MBP: variants seen among roughly 807,000 people sequenced by gnomAD.
MBP encodes myelin basic protein, also known as Golli-MBP.
A neutral mutation model predicts 35.8 loss-of-function variants in MBP; 16 were observed. That is an observed-to-expected ratio of 0.45 (90% CI 0.30 to 0.68). The LOEUF (loss-of-function observed/expected upper bound fraction) is 0.68, where lower values mean the gene tolerates loss of function less well. Among genes scored for constraint, MBP ranks in the 30% least tolerant of loss-of-function variants. MBP has a pLI of 0.08. For synonymous variants in MBP, 143 were observed against 159.6 expected (o/e 0.90, Z 0.78); for missense variants, 380 against 404.7 (o/e 0.94, Z 0.52).
intron 3 of MBP, among the ~76,000 whole-genome samples, chr18:77,062,957 G>A (rs183911009): frequency 4.0e-4 from 61 of 152,320 alleles, no homozygotes; most frequent in Admixed American, 2.1e-3. Flanking sequence ...TCTGATGCGT[G>A]GATGAAACGG....
intron 4 of MBP, among the ~76,000 whole-genome samples, chr18:77,000,431 G>A (rs962050047): frequency 3.9e-5 from 6 of 152,194 alleles, no homozygotes; most frequent in African/African-American, 1.4e-4. Context: ...ACGATGCATA[G>A]AGCAACAACA....
At chr18:77,132,153 C>T (rs1416678096) in intron 1 of MBP, among the ~76,000 whole-genome samples, 1 of 152,156 alleles carries the variant, frequency 6.6e-6, no homozygotes, top group South Asian at 2.1e-4. Flanking sequence ...CCACCCTAGA[C>T]TCCTCCCCTC....
chr18:77,098,357 A>C (rs1439536119), intron 2 of MBP, among the ~76,000 whole-genome samples: 1 of 152,092 alleles, frequency 6.6e-6, no homozygotes, highest in African/African-American at 2.4e-5. Context: ...CTTGCCCAAG[A>C]TCACCCAACT....
intron 4 of MBP, chr18:77,015,998 A>G (rs952098982): frequency 2.2e-5 from 22 of 985,320 alleles, no homozygotes; most frequent in Non-Finnish European, 2.2e-5. Flanking sequence ...CTCCAAAATT[A>G]CACAACCACC....
chr18:76,998,179 T>A (rs1686899090), intron 4 of MBP, among the ~76,000 whole-genome samples: 1 of 152,136 alleles, frequency 6.6e-6, no homozygotes. Flanking sequence ...TCACTCTCCA[T>A]CCCTGGCCCC....
intron 7 of MBP, 145 bp from the exon 8 acceptor site, chr18:76,985,039 C>G: frequency 6.7e-7 from 1 of 1,497,592 alleles, no homozygotes; most frequent in Non-Finnish European, 9.0e-7. Flanking sequence ...CGGGCCAGCA[C>G]CACGCTGAGG....
intron 4 of MBP, chr18:77,013,942 A>AT: frequency 1.0e-6 from 1 of 985,400 alleles, no homozygotes; most frequent in Non-Finnish European, 1.2e-6. Context: ...GAGCACTGGC[A>AT]CAGAGTGATG....
chr18:77,004,214 A>G (rs1442259292), intron 4 of MBP: 1 of 152,032 alleles, frequency 6.6e-6, no homozygotes, highest in Non-Finnish European at 1.5e-5. Flanking sequence ...CTAGTTAAAT[A>G]CTAGTTACAA....
chr18:77,030,763 A>T (rs1055229908), intron 3 of MBP, among the ~76,000 whole-genome samples: 3 of 152,188 alleles, frequency 2.0e-5, no homozygotes, highest in Admixed American at 2.0e-4. Flanking sequence ...GCTTTTTTAA[A>T]CATACACATT....
intron 3 of MBP, among the ~76,000 whole-genome samples, chr18:77,036,935 C>T (rs1457916899): frequency 3.2e-5 from 2 of 61,788 alleles, no homozygotes; most frequent in Non-Finnish European, 3.0e-5. Flanking sequence ...CTGAGCTGAG[C>T]AAGTGCTGGT....
intron 3 of MBP, among the ~76,000 whole-genome samples, chr18:77,031,034 T>C (rs1185370897): frequency 2.6e-5 from 4 of 151,452 alleles, no homozygotes; most frequent in African/African-American, 9.7e-5. Flanking sequence ...GACACTGTTT[T>C]AGAGAAATAA....
At chr18:77,014,711 TA>T in intron 4 of MBP, 1 of 985,460 alleles carries the variant, frequency 1.0e-6, no homozygotes, top group South Asian at 4.7e-5. Flanking sequence ...CACTTTGTGA[TA>T]AAATAGTTGA....
At chr18:77,123,388 A>T (rs978866194) in intron 1 of MBP, among the ~76,000 whole-genome samples, 1 of 152,274 alleles carries the variant, frequency 6.6e-6, no homozygotes, top group Non-Finnish European at 1.5e-5. Flanking sequence ...AGTATCAATT[A>T]GTTATTCTAA....
intron 2 of MBP, among the ~76,000 whole-genome samples, chr18:77,078,042 A>G (rs1974733868): frequency 6.6e-6 from 1 of 152,132 alleles, no homozygotes; most frequent in African/African-American, 2.4e-5. Flanking sequence ...CGTGCCCGCC[A>G]TGGGCCTCCT....
chr18:77,016,151 G>A, intron 4 of MBP: 1 of 894,444 alleles, frequency 1.1e-6, no homozygotes, highest in South Asian at 5.6e-5. Flanking sequence ...CCCCATAGCA[G>A]AGTTTTTTTT....
In MBP at chr18:77,028,941, A is replaced by G. The variant is rs1200728467; in HGVS notation, c.140-11673T>C. Among the ~76,000 whole-genome samples the G allele has an allele frequency of 1.5e-4, 13 of 87,964 alleles. 1 individual carries two copies. The highest frequency in any genetic ancestry group is 4.5e-4 in the East Asian group (1 of 2,246). The allele number at this position is 87,964 out of a possible 152,430, so 57.7% of individuals were successfully genotyped here. ...TCCTCACTTTCCAGACTGGGCAGCC[A>G]GGCAGAGGGGCTCCATCCCAGACAA... On this transcript the variant is annotated intron_variant, in intron 3 of 8. Coordinates refer to ENST00000355994, the MANE Select transcript of MBP (RefSeq NM_001025101.2).
At chr18:77,026,004 T>A (rs2282573) in intron 3 of MBP, among the ~76,000 whole-genome samples, 91,812 of 152,124 alleles carry the variant, frequency 0.6, 28,785 homozygotes, top group East Asian at 0.8. Context: ...CCGCTCGCTG[T>A]GCTCCCAGCC....
intron 2 of MBP, among the ~76,000 whole-genome samples, chr18:77,070,082 T>C (rs1974374859): frequency 6.6e-6 from 1 of 152,194 alleles, no homozygotes; most frequent in East Asian, 1.9e-4. Flanking sequence ...ACACATTTCC[T>C]GTAAGCAAAA....
At chr18:77,049,125 T>C (rs1028351100) in intron 3 of MBP, among the ~76,000 whole-genome samples, 3 of 151,546 alleles carry the variant, frequency 2.0e-5, no homozygotes, top group Non-Finnish European at 4.4e-5. Context: ...TTCACCGTGT[T>C]AGCCTGGATG....
Sources: gnomAD v4.1 joint callset for allele counts (sites outside exome capture counted in the v4.1 genomes callset) on GRCh38, gnomAD v4.1.1 for gene constraint, MANE v1.5 for transcripts, NCBI Gene and HGNC (gene_info 2026-07-23, HGNC 2026-07-21) for gene names.